The following TNKS variants were observed in gnomAD, a reference collection of about 807,000 sequenced individuals.
TNKS encodes tankyrase, also known as poly [ADP-ribose] polymerase tankyrase-1.
Under a neutral mutation model 135.8 loss-of-function variants are expected in TNKS, and 72 were observed. The observed-to-expected ratio is 0.53, with a 90% CI of 0.44 to 0.64. TNKS has a LOEUF of 0.64. TNKS is among the 30% of genes least tolerant of loss of function. TNKS has a pLI of 0.00. For synonymous variants in TNKS, 849 were observed against 649.3 expected, an observed-to-expected ratio of 1.31 and a Z score of -4.68; for missense variants, 1,769 against 1,674.0, an observed-to-expected ratio of 1.06 and a Z score of -0.99.
intron 3 of TNKS, among the ~76,000 whole-genome samples, chr8:9,665,347 T>A (rs2128790009): frequency 1.3e-5 from 2 of 152,352 alleles, no homozygotes; most frequent in Middle Eastern, 3.4e-3. Context: ...TTTATCCTGA[T>A]TAAATGTTCT....
chr8:9,751,966 TACAC>T, intron 19 of TNKS, 120 bp downstream of exon 19: 1 of 833,370 alleles, frequency 1.2e-6, no homozygotes. Flanking sequence ...TAAATTTTCA[TACAC>T]ACAACATCTT....
At chr8:9,616,785 A>G (rs1263428913) in intron 3 of TNKS, among the ~76,000 whole-genome samples, 1 of 152,222 alleles carries the variant, frequency 6.6e-6, no homozygotes, top group Non-Finnish European at 1.5e-5. Context: ...CATACACTAG[A>G]GTAATAAACC....
intron 2 of TNKS, among the ~76,000 whole-genome samples, chr8:9,593,492 A>AGCTT (rs1381475612): frequency 5.3e-5 from 8 of 152,216 alleles, no homozygotes; most frequent in Admixed American, 1.3e-4. Flanking sequence ...AATTATTTTT[A>AGCTT]GCTTAGCTTT....
intron 3 of TNKS, among the ~76,000 whole-genome samples, chr8:9,665,615 C>G (rs1801948087): frequency 6.6e-6 from 1 of 152,164 alleles, no homozygotes; most frequent in Admixed American, 6.6e-5. Context: ...TTGTCTTAAG[C>G]ATACTCTCAG....
chr8:9,752,848 G>C (rs564222861), intron 20 of TNKS, among the ~76,000 whole-genome samples: 103 of 151,762 alleles, frequency 6.8e-4, no homozygotes, highest in Admixed American at 1.5e-3. Flanking sequence ...CCCCTGTAGT[G>C]CTAGCTGCTG....
At chr8:9,766,582 T>A (rs1482416962) in intron 25 of TNKS, among the ~76,000 whole-genome samples, 157 bp downstream of exon 25, 2 of 147,064 alleles carry the variant, frequency 1.4e-5, no homozygotes, top group Non-Finnish European at 3.0e-5. Context: ...ACCTCCTGGG[T>A]TCAAGCAATT....
chr8:9,642,413 T>G (rs1325473089), intron 3 of TNKS, among the ~76,000 whole-genome samples: 1 of 146,546 alleles, frequency 6.8e-6, no homozygotes, highest in African/African-American at 2.5e-5. Context: ...AGTTTTCTAC[T>G]TTTGTCACAC....
At chr8:9,631,598 G>C (rs1279851150) in intron 3 of TNKS, among the ~76,000 whole-genome samples, 1 of 152,086 alleles carries the variant, frequency 6.6e-6, no homozygotes, top group Non-Finnish European at 1.5e-5. Context: ...TTAGAATATA[G>C]GGAGATCATC....
At chr8:9,728,926 A>C (rs573559694) in intron 13 of TNKS, among the ~76,000 whole-genome samples, 1 of 152,090 alleles carries the variant, frequency 6.6e-6, no homozygotes, top group Non-Finnish European at 1.5e-5. Context: ...GTCTTAGTCT[A>C]TTTGTGCTGC....
intron 17 of TNKS, among the ~76,000 whole-genome samples, chr8:9,741,458 G>A (rs1196327661): frequency 2.6e-5 from 4 of 152,088 alleles, no homozygotes; most frequent in African/African-American, 7.2e-5. Context: ...ACCTTTCACA[G>A]TCTTTATAGC....
intron 26 of TNKS, among the ~76,000 whole-genome samples, chr8:9,771,437 A>G (rs1160252347): frequency 9.1e-5 from 8 of 87,438 alleles, no homozygotes; most frequent in Admixed American, 2.2e-4. Flanking sequence ...GGAGGGACAG[A>G]GGAAAGGAAA....
At chr8:9,659,285 C>T (rs1481142493) in intron 3 of TNKS, among the ~76,000 whole-genome samples, 1 of 151,880 alleles carries the variant, frequency 6.6e-6, no homozygotes, top group Non-Finnish European at 1.5e-5. Context: ...AATATACGTT[C>T]TTTTCAGCAC....
At chr8:9,603,253 A>G (rs1331260607) in intron 2 of TNKS, among the ~76,000 whole-genome samples, 1 of 152,082 alleles carries the variant, frequency 6.6e-6, no homozygotes, top group Non-Finnish European at 1.5e-5. Context: ...GGTTTTCACC[A>G]TGTTGACCAG....
At chr8:9,679,397 C>G (rs932457857) in intron 3 of TNKS, among the ~76,000 whole-genome samples, 9 of 152,140 alleles carry the variant, frequency 5.9e-5, no homozygotes, top group African/African-American at 2.2e-4. Context: ...GTCTACAGAC[C>G]TTGCCTATCG....
At chr8:9,601,805 C>T (rs538471597) in intron 2 of TNKS, among the ~76,000 whole-genome samples, 2 of 152,230 alleles carry the variant, frequency 1.3e-5, no homozygotes, top group African/African-American at 2.4e-5. Context: ...CTATTTACTA[C>T]TATTATCTTT....
At chr8:9,621,724 G>T (rs1799875429) in intron 3 of TNKS, among the ~76,000 whole-genome samples, 1 of 151,968 alleles carries the variant, frequency 6.6e-6, no homozygotes, top group Non-Finnish European at 1.5e-5. Flanking sequence ...TTCTCATGCT[G>T]TTAATCTGAA....
intron 17 of TNKS, 69 bp downstream of exon 17, chr8:9,735,555 CT>C: frequency 8.1e-7 from 1 of 1,240,922 alleles, no homozygotes; most frequent in Non-Finnish European, 1.2e-6. Context: ...AATCCCAGCA[CT>C]TTAGGAGGCC....
chr8:9,700,032 A>G (rs550467910), intron 5 of TNKS, among the ~76,000 whole-genome samples: 19 of 152,202 alleles, frequency 1.2e-4, no homozygotes, highest in African/African-American at 3.6e-4. Context: ...TGTTTATCCA[A>G]AGTCTCAGCT....
At chr8:9,670,048 T>G (rs1041370312) in intron 3 of TNKS, 1 of 152,200 alleles carries the variant, frequency 6.6e-6, no homozygotes, top group Non-Finnish European at 1.5e-5. Flanking sequence ...TATTATAAAG[T>G]TAATACTATG....
Sources: allele counts gnomAD v4.1 joint callset (sites outside exome capture counted in the v4.1 genomes callset), GRCh38; gene constraint gnomAD v4.1.1; transcripts MANE v1.5; gene names NCBI Gene and HGNC (gene_info 2026-07-23, HGNC 2026-07-21).